The following CLVS1 variants were observed in gnomAD, a reference collection of about 807,000 sequenced individuals.
The protein encoded by CLVS1 is clavesin 1.
Under a neutral mutation model 33.1 loss-of-function variants are expected in CLVS1, and 10 were observed. The observed-to-expected ratio is 0.30, with a 90% CI of 0.19 to 0.51. CLVS1 has a LOEUF of 0.51. Among genes scored for constraint, CLVS1 ranks in the 20% least tolerant of loss-of-function variants. CLVS1 has a pLI of 0.97. For synonymous variants in CLVS1, 163 were observed against 166.1 expected, an observed-to-expected ratio of 0.98 and a Z score of 0.14; for missense variants, 343 against 433.4, an observed-to-expected ratio of 0.79 and a Z score of 1.85.
intron 2 of CLVS1, among the ~76,000 whole-genome samples, chr8:61,160,584 G>T (rs1416888604): frequency 6.6e-6 from 1 of 151,726 alleles, no homozygotes; most frequent in Admixed American, 6.6e-5. Context: ...CAAAGATTGT[G>T]CTTCTAAATT....
chr8:61,451,595 A>C (rs1367677735), intron 3 of CLVS1, among the ~76,000 whole-genome samples: 1 of 152,142 alleles, frequency 6.6e-6, no homozygotes, highest in Non-Finnish European at 1.5e-5. Context: ...CTTGAGATAC[A>C]TCTGCTCTAG....
At chr8:61,495,654 G>C (rs1352935994) in intron 5 of CLVS1, among the ~76,000 whole-genome samples, 6 of 152,176 alleles carry the variant, frequency 3.9e-5, no homozygotes, top group Non-Finnish European at 8.8e-5. Context: ...GAGAGAAATT[G>C]TTAACAGCAG....
At chr8:61,249,329 A>G (rs12547183) in intron 2 of CLVS1, among the ~76,000 whole-genome samples, 52,005 of 152,056 alleles carry the variant, frequency 0.34, 9,366 homozygotes, top group Admixed American at 0.39. Context: ...ACTGATGGAC[A>G]TTTGGGTTGG....
rs182445944 is a variant in CLVS1 at position 61,413,353 on chromosome 8, C to T, written c.630+36574C>T. On this transcript the variant is annotated intron_variant, in intron 3 of 5. Transcript: ENST00000325897. ...TGTTGTCCTGAACCCCTATTAACTT[C>T]AGCAGGAAAGGTACCAGATTCAAGA... Among the ~76,000 whole-genome samples, 340 of 152,246 alleles carry T rather than the reference C, an allele frequency of 2.2e-3. 5 individuals carry two copies. The highest frequency in any genetic ancestry group is 0.021 in the Admixed American group (322 of 15,292).
chr8:61,482,989 G>C (rs1178878197), intron 5 of CLVS1, among the ~76,000 whole-genome samples: 1 of 152,126 alleles, frequency 6.6e-6, no homozygotes, highest in African/African-American at 2.4e-5. Flanking sequence ...AGAGAAAGCA[G>C]GAAAGATCTA....
the CLVS1 span, among the ~76,000 whole-genome samples, chr8:60,969,999 G>A: frequency 6.6e-6 from 1 of 152,132 alleles, no homozygotes; most frequent in Non-Finnish European, 1.5e-5. Flanking sequence ...CCTGGAACCC[G>A]ATATATCAAA....
chr8:61,098,252 A>G (rs551331288), intron 1 of CLVS1, among the ~76,000 whole-genome samples: 1 of 152,222 alleles, frequency 6.6e-6, no homozygotes, highest in South Asian at 2.1e-4. Flanking sequence ...CTCATGGTTT[A>G]CATAAACCCT....
intron 1 of CLVS1, among the ~76,000 whole-genome samples, chr8:61,130,240 A>AAAAT (rs78418007): frequency 0.25 from 35,606 of 139,862 alleles, 5,229 homozygotes; most frequent in African/African-American, 0.41. Flanking sequence ...TCTGTCTCAA[A>AAAAT]AAATAAATAA....
intron 2 of CLVS1, among the ~76,000 whole-genome samples, chr8:61,269,320 T>G (rs1323202671): frequency 6.6e-6 from 1 of 152,252 alleles, no homozygotes; most frequent in Admixed American, 6.5e-5. Context: ...AAAGATCAGA[T>G]AGTTGTAGAT....
At chr8:61,346,842 C>A (rs1812239113) in intron 2 of CLVS1, among the ~76,000 whole-genome samples, 1 of 151,940 alleles carries the variant, frequency 6.6e-6, no homozygotes, top group Non-Finnish European at 1.5e-5. Flanking sequence ...GAACAGGGTG[C>A]CAATGAATGG....
intron 3 of CLVS1, among the ~76,000 whole-genome samples, chr8:61,382,764 T>C (rs897391343): frequency 1.3e-5 from 2 of 152,164 alleles, no homozygotes. Context: ...CAGGAGATGC[T>C]GCTGCTGCTG....
chr8:61,257,438 C>G (rs1278122003), intron 2 of CLVS1, among the ~76,000 whole-genome samples: 5 of 152,284 alleles, frequency 3.3e-5, no homozygotes, highest in African/African-American at 1.2e-4. Context: ...ATGATTCAAG[C>G]ATACTTGAAA....
At chr8:61,173,977 G>C (rs927802623) in intron 2 of CLVS1, among the ~76,000 whole-genome samples, 14 of 152,202 alleles carry the variant, frequency 9.2e-5, no homozygotes, top group African/African-American at 3.1e-4. Context: ...TGGTTAGAGT[G>C]CTGATTGGCA....
chr8:61,296,200 A>G (rs958383847), intron 1 of CLVS1, among the ~76,000 whole-genome samples: 2 of 152,180 alleles, frequency 1.3e-5, no homozygotes, highest in African/African-American at 4.8e-5. Context: ...GAAAATATCT[A>G]TGTTATCCTA....
chr8:61,283,501 A>G (rs1165511072), upstream of CLVS1, among the ~76,000 whole-genome samples: 1 of 152,184 alleles, frequency 6.6e-6, no homozygotes, highest in Non-Finnish European at 1.5e-5. Context: ...GTCAAGTAGG[A>G]CCAAATTTCT....
intron 2 of CLVS1, among the ~76,000 whole-genome samples, chr8:61,315,990 G>A (rs1241216010): frequency 6.6e-6 from 1 of 151,954 alleles, no homozygotes; most frequent in Non-Finnish European, 1.5e-5. Context: ...TTGGTTTTCT[G>A]TTCCTATGTT....
intron 3 of CLVS1, among the ~76,000 whole-genome samples, chr8:61,391,454 T>C (rs1053402927): frequency 2.6e-5 from 4 of 152,216 alleles, no homozygotes; most frequent in Admixed American, 2.0e-4. Flanking sequence ...GGGGTAGTTG[T>C]TGCAGGGCTC....
chr8:61,071,461 T>C (rs1270612867), intron 1 of CLVS1, among the ~76,000 whole-genome samples: 1 of 152,196 alleles, frequency 6.6e-6, no homozygotes, highest in African/African-American at 2.4e-5. Context: ...CTTCCTCCTA[T>C]GCAGTCAGAT....
At chr8:61,120,886 T>C (rs1360312937) in intron 1 of CLVS1, among the ~76,000 whole-genome samples, 5 of 146,796 alleles carry the variant, frequency 3.4e-5, no homozygotes, top group African/African-American at 1.0e-4. Flanking sequence ...CTCCTTGATC[T>C]GTGGTAGGCT....
Sources: allele counts gnomAD v4.1 joint callset (sites outside exome capture counted in the v4.1 genomes callset), GRCh38; gene constraint gnomAD v4.1.1; transcripts MANE v1.5; gene names NCBI Gene and HGNC (gene_info 2026-07-23, HGNC 2026-07-21).